The following LETM2 variants were observed in gnomAD, a reference collection of about 807,000 sequenced individuals.
LETM2 encodes the protein leucine zipper and EF-hand containing transmembrane protein 2, also known as LETM1 domain-containing protein LETM2, mitochondrial.
LETM2 carries 58 observed loss-of-function variants against 59.6 expected under a neutral mutation model. The ratio of observed to expected loss-of-function variants is 0.97; its 90% CI spans 0.79 to 1.21. The LOEUF (loss-of-function observed/expected upper bound fraction) is 1.21, where lower values mean the gene tolerates loss of function less well. LETM2 is among the 50% of genes most tolerant of loss of function. The pLI is 0.00. For synonymous variants in LETM2, 199 were observed against 214.1 expected (o/e 0.93, Z 0.62); for missense variants, 572 against 575.7 (o/e 0.99, Z 0.07).
chr8:38,394,192 A>G lies in LETM2; in HGVS notation c.596A>G (p.Lys199Arg), dbSNP rs1354609903. 2 of 1,516,166 alleles carry G rather than the reference A, an allele frequency of 1.3e-6. No individual in the cohort carries two copies. The highest frequency in any genetic ancestry group is 8.8e-7 in the Non-Finnish European group (1 of 1,139,144). 93.9% of individuals were successfully genotyped at this position (1,516,166 alleles called of 1,614,324 possible). The change falls in exon 4 of 11, where the codon AAA becomes AGA. Residue 199 changes from lysine to arginine, a missense_variant. By Grantham distance (26) the Lys-to-Arg change is conservative (BLOSUM62 2). Transcript: ENST00000379957. ...FMEFLLPVFL[K>R]LFPEMLPSTF... The stretch of plus-strand genomic sequence containing the variant: ...GAATTCTTATTACCAGTGTTTCTGA[A>G]ACTCTTCCCAGAGATGTTGCCATCA...
intron 10 of LETM2, 41 bp from the exon 11 acceptor site, chr8:38,408,170 CG>C: frequency 6.6e-7 from 1 of 1,523,792 alleles, no homozygotes; most frequent in Non-Finnish European, 9.0e-7. Flanking sequence ...AGAACTTACA[CG>C]TCTGTGACTA....
At chr8:38,393,186 A>T in intron 3 of LETM2, 191 bp downstream of exon 3, 3 of 569,116 alleles carry the variant, frequency 5.3e-6, no homozygotes, top group Non-Finnish European at 6.1e-6. Context: ...GAAATTTGTT[A>T]TATATTTTCC....
rs764750485 is a variant in LETM2 at position 38,404,383 on chromosome 8, C to T, written c.1105-10C>T. ...TGATTCTCACGTGTTGTTCCCCTCC[C>T]GTTCTCCAGTGGCAGGACCTCCACC... On this transcript the variant is annotated splice_polypyrimidine_tract_variant and intron_variant, in intron 7 of 10. Coordinates refer to ENST00000379957, the MANE Select transcript of LETM2 (RefSeq NM_001286819.2). 25 of 1,577,292 alleles carry T rather than the reference C, an allele frequency of 1.6e-5. No individual in the cohort carries two copies. Among genetic ancestry groups the T allele is most frequent in the Middle Eastern group, 1.7e-4 (1 of 5,948 alleles).
intron 7 of LETM2, among the ~76,000 whole-genome samples, chr8:38,403,713 G>T (rs1048119219): frequency 6.6e-6 from 1 of 152,242 alleles, no homozygotes; most frequent in African/African-American, 2.4e-5. Flanking sequence ...CCTCTCATGT[G>T]TGGGACCAGC....
intron 2 of LETM2, among the ~76,000 whole-genome samples, chr8:38,391,181 C>CAAAAAAAAAAA (rs552521178): frequency 3.8e-5 from 2 of 51,958 alleles, no homozygotes; most frequent in African/African-American, 8.2e-5. Context: ...CCTCCTGTCT[C>CAAAAAAAAAAA]AAAAAAAAAA....
chr8:38,406,369 G>C (rs1813719392), intron 8 of LETM2: 1 of 152,278 alleles, frequency 6.6e-6, no homozygotes, highest in African/African-American at 2.4e-5. Flanking sequence ...GGAGGCTGAG[G>C]TGGGTGGATC....
rs1812031861 is a variant in LETM2 at position 38,389,391 on chromosome 8, G to C, written c.47+1361G>C. Among the ~76,000 whole-genome samples the C allele has an allele frequency of 2.0e-5, 3 of 151,022 alleles. No individual in the cohort carries two copies. In the South Asian group the frequency reaches 6.3e-4, roughly 32 times the overall value. The stretch of plus-strand genomic sequence containing the variant: ...GCCACCATGCCCAGCTAATTTTTTT[G>C]TATTTTTATAGAGATGGTGTTTCTC... On this transcript the variant is annotated intron_variant, in intron 2 of 10. Coordinates refer to ENST00000379957, the MANE Select transcript of LETM2 (RefSeq NM_001286819.2).
At chr8:38,390,019 A>C (rs1451646667) in intron 2 of LETM2, among the ~76,000 whole-genome samples, 1 of 150,828 alleles carries the variant, frequency 6.6e-6, no homozygotes, top group Non-Finnish European at 1.5e-5. Flanking sequence ...AAAAAAAAAA[A>C]AGAACAGCCT....
In LETM2 at chr8:38,400,378, C is replaced by T. The variant is rs1813090082; in HGVS notation, c.752C>T (p.Ala251Val). ...AGGAACAGAGCCAAGATGGGCGATG[C>T]CTCTACACAGCTCTCATCCTACGTG... The part of the protein sequence containing the change: ...ARRNRAKMGD[A>V]STQLSSYVKQ... Residue 251 changes from alanine (A) to valine (V), a missense_variant, in exon 5 of 11, where the codon GCC becomes GTC. Ala to Val is a moderately conservative substitution (Grantham distance 64). Transcript: ENST00000379957. The T allele has an allele frequency of 3.1e-6, 5 of 1,611,006 alleles. No individual in the cohort carries two copies. The South Asian group carries it at 4.4e-5, about 14-fold the overall frequency.
Position 38,404,377 on chromosome 8 carries a change from C to A in LETM2, c.1105-16C>A. ...GTGTTCTGATTCTCACGTGTTGTTC[C>A]CCTCCCGTTCTCCAGTGGCAGGACC... is the stretch of plus-strand genomic sequence containing the variant. On this transcript the variant is annotated splice_polypyrimidine_tract_variant and intron_variant, in intron 7 of 10. Coordinates refer to ENST00000379957, the MANE Select transcript of LETM2 (RefSeq NM_001286819.2). The A allele has an allele frequency of 1.3e-6, 2 of 1,546,474 alleles. No individual in the cohort carries two copies. Among genetic ancestry groups the A allele is most frequent in the East Asian group, 2.2e-5 (1 of 44,584 alleles).
At position 38,402,578 on chromosome 8, in the gene LETM2, C is replaced by T; in HGVS notation, c.1038C>T (p.Ala346=). 4 of 1,614,060 alleles carry T rather than the reference C, an allele frequency of 2.5e-6. No individual in the cohort carries two copies. Among genetic ancestry groups the T allele is most frequent in the Non-Finnish European group, 3.4e-6 (4 of 1,179,894 alleles). Residue 346 remains alanine (A), a synonymous_variant, in exon 7 of 11, where the codon GCC becomes GCT. Coordinates refer to ENST00000379957, the MANE Select transcript of LETM2 (RefSeq NM_001286819.2). ...TALSVSELQA[A]CRARGMRSLG... The stretch of plus-strand genomic sequence containing the variant: ...TGAGTGTATCAGAACTACAGGCTGC[C>T]TGTAGGGCCCGAGGGATGAGATCAC...
intron 4 of LETM2, among the ~76,000 whole-genome samples, chr8:38,398,090 A>G (rs1235301830): frequency 6.6e-6 from 1 of 152,112 alleles, no homozygotes; most frequent in African/African-American, 2.4e-5. Flanking sequence ...CCAAGAGCCA[A>G]GATCATGCTA....
In LETM2 at chr8:38,387,995, C is replaced by A; in HGVS notation, c.12C>A (p.Tyr4Ter). 1 of 1,530,498 alleles carries A rather than the reference C, an allele frequency of 6.5e-7. No homozygotes were observed. Among genetic ancestry groups the A allele is most frequent in the Non-Finnish European group, 8.8e-7 (1 of 1,142,278 alleles). 94.8% of individuals were successfully genotyped at this position (1,530,498 alleles called of 1,614,324 possible). The change falls in exon 2 of 11, where the codon TAC (tyrosine) becomes TAA (stop). Residue 4 changes from tyrosine (Y) to a stop codon, truncating the protein, a stop_gained. Coordinates refer to ENST00000379957, the MANE Select transcript of LETM2 (RefSeq NM_001286819.2). LOFTEE classifies it high-confidence loss of function. MAF[Y>*]SYNSVLAIAR... is the part of the protein sequence containing the mutation. ...AGACAAAAATAAATATGGCCTTCTA[C>A]AGTTATAATTCAGTTCTGGCTATTG...
upstream of LETM2, among the ~76,000 whole-genome samples, chr8:38,385,419 A>C (rs1036268972): frequency 6.6e-5 from 10 of 152,120 alleles, no homozygotes; most frequent in African/African-American, 2.4e-4. Context: ...TTGAGGTGGA[A>C]TCTCGCTCTT....
Position 38,390,622 on chromosome 8 carries a change from A to AG in LETM2, c.48-1919dup, listed in dbSNP as rs1288988182. On this transcript the variant is annotated intron_variant, in intron 2 of 10. Coordinates refer to ENST00000379957, the MANE Select transcript of LETM2 (RefSeq NM_001286819.2). ...GGGCAACAGAGTGAGACTCTGTCTCAGAAAAAAAAAAAAAAAAAAAAAGAA... is the reference window on the plus strand; with the variant it reads ...GGGCAACAGAGTGAGACTCTGTCTCAGGAAAAAAAAAAAAAAAAAAAAAGAA... 1.8e-3 allele frequency among the ~76,000 whole-genome samples: 229 copies of AG among 129,780 alleles called. 2 individuals carry two copies. The highest frequency in any genetic ancestry group is 5.1e-3 in the African/African-American group (182 of 35,440). 85.1% of individuals were successfully genotyped at this position (129,780 alleles called of 152,430 possible). A position where few individuals can be genotyped will look rare whatever the true frequency, so the allele number is the denominator to read the frequency against.
chr8:38,383,657 G>A (rs1811664309), upstream of LETM2, among the ~76,000 whole-genome samples: 1 of 151,236 alleles, frequency 6.6e-6, no homozygotes, highest in African/African-American at 2.4e-5. Context: ...TTGGCTGGGC[G>A]CAGTGGCTCA....
chr8:38,388,038 T>C lies in LETM2; in HGVS notation c.47+8T>C. 1 of 1,511,478 alleles carries C rather than the reference T, an allele frequency of 6.6e-7. No individual in the cohort carries two copies. Among genetic ancestry groups the C allele is most frequent in the Non-Finnish European group, 8.9e-7 (1 of 1,126,196 alleles). The allele number at this position is 1,511,478 out of a possible 1,614,324, so 93.6% of individuals were successfully genotyped here. ...GGCTATTGCTCGAACAAGGTAAGCA[T>C]TGGAGTTACCCCCCAATATGAACGT... On this transcript the variant is annotated splice_region_variant and intron_variant, in intron 2 of 10. Transcript: ENST00000379957.
At chr8:38,399,595 T>C (rs1318609411) in intron 4 of LETM2, among the ~76,000 whole-genome samples, 18 of 151,658 alleles carry the variant, frequency 1.2e-4, no homozygotes, top group Admixed American at 1.2e-3. Flanking sequence ...CTGGCCAACA[T>C]GGTGAAAACC....
chr8:38,384,264 C>A (rs1389452211), upstream of LETM2, among the ~76,000 whole-genome samples: 1 of 152,126 alleles, frequency 6.6e-6, no homozygotes, highest in Admixed American at 6.6e-5. Context: ...AAATTGTCCC[C>A]AGGGATCTTA....
Sources: allele counts gnomAD v4.1 joint callset (sites outside exome capture counted in the v4.1 genomes callset), GRCh38; gene constraint gnomAD v4.1.1; transcripts MANE v1.5; gene names NCBI Gene and HGNC (gene_info 2026-07-23, HGNC 2026-07-21).